Variants in MICAL3 observed in about 807,000 individuals in gnomAD.
The protein encoded by MICAL3 is [F-actin]-monooxygenase MICAL3.
In MICAL3, 62 loss-of-function variants were observed where a neutral mutation model predicts 207.4. The observed-to-expected ratio is 0.30, with a 90% CI of 0.24 to 0.37. The LOEUF (loss-of-function observed/expected upper bound fraction) is 0.37. Among genes scored for constraint, MICAL3 ranks in the 10% least tolerant of loss-of-function variants. The pLI is 1.00. For missense variants in MICAL3, 2,368 were observed against 2,635.6 expected (o/e 0.90, Z 2.22); for synonymous variants, 1,077 against 1,069.3 (o/e 1.01, Z -0.14).
In MICAL3 at chr22:17,817,963, C is replaced by T. The variant is rs1172548841; in HGVS notation, c.4698G>A (p.Gly1566=). The T allele has an allele frequency of 2.5e-6, 4 of 1,612,446 alleles. No individual in the cohort carries two copies. The highest frequency in any genetic ancestry group is 1.1e-5 in the South Asian group (1 of 91,082). The part of the protein sequence containing the change: ...PRHPPLAKEN[G]RLPALEGTLQ... ...GCGTCCCCTCCAGAGCAGGCAGCCT[C>T]CCGTTCTCCTTGGCCAGGGGCGGGT... The change falls in exon 26 of 32, where the codon GGG becomes GGA. Residue 1566 remains glycine, a synonymous_variant. Coordinates refer to ENST00000441493, the MANE Select transcript of MICAL3 (RefSeq NM_015241.3).
chr22:17,960,942 C>A (rs1007253256), intron 1 of MICAL3, among the ~76,000 whole-genome samples: 2 of 152,068 alleles, frequency 1.3e-5, no homozygotes, highest in African/African-American at 4.8e-5. Context: ...CGAGACGGTG[C>A]GGGACCTGGT....
At chr22:17,828,252 G>T (rs1207692474) in intron 21 of MICAL3, among the ~76,000 whole-genome samples, 1 of 152,238 alleles carries the variant, frequency 6.6e-6, no homozygotes, top group African/African-American at 2.4e-5. Context: ...ACAGCAAGGT[G>T]CCCACCACCA....
chr22:17,861,332 C>A (rs1156743529), intron 19 of MICAL3: 1 of 985,322 alleles, frequency 1.0e-6, no homozygotes, highest in Non-Finnish European at 1.2e-6. Flanking sequence ...GCAACTGCCA[C>A]TTGTGACCTT....
chr22:17,991,931 A>G (rs1921727194), intron 1 of MICAL3, among the ~76,000 whole-genome samples: 1 of 152,198 alleles, frequency 6.6e-6, no homozygotes, highest in South Asian at 2.1e-4. Flanking sequence ...TGGTAGACAC[A>G]GCACCGTGGT....
intron 1 of MICAL3, among the ~76,000 whole-genome samples, chr22:17,939,431 C>A (rs1406837884): frequency 1.3e-5 from 2 of 152,264 alleles, no homozygotes; most frequent in Non-Finnish European, 2.9e-5. Flanking sequence ...AGAAGGGCTG[C>A]ACCTCCTGCC....
At chr22:17,904,474 T>C (rs1931568732) in intron 3 of MICAL3, among the ~76,000 whole-genome samples, 158 bp downstream of exon 3, 1 of 152,254 alleles carries the variant, frequency 6.6e-6, no homozygotes, top group East Asian at 1.9e-4. Context: ...CAGGTGTTTT[T>C]ACTTCAAGAT....
intron 19 of MICAL3, among the ~76,000 whole-genome samples, chr22:17,846,809 C>T (rs185567736): frequency 3.0e-4 from 46 of 152,324 alleles, no homozygotes; most frequent in African/African-American, 1.1e-3. Context: ...TCAGGGCAGG[C>T]AGCTCTCAGG....
At position 17,902,130 on chromosome 22, in the gene MICAL3, G is replaced by A. The variant is rs1931374133; in HGVS notation, c.590-151C>T. On this transcript the variant is annotated intron_variant, in intron 4 of 31. Transcript: ENST00000441493. The surrounding 1 kb of genome is among the most constrained non-coding windows in gnomAD (Gnocchi z 4.5). ...AGTGGAGACAGAGGCTGTGCACGGT[G>A]GCTCGTGCCTCTAATCCCAGCACTA... Among the ~76,000 whole-genome samples, 1 of 152,254 alleles carries A rather than the reference G, an allele frequency of 6.6e-6. No homozygotes were observed. Among genetic ancestry groups the A allele is most frequent in the Non-Finnish European group, 1.5e-5 (1 of 68,050 alleles).
intron 12 of MICAL3, 41 bp from the exon 13 acceptor site, chr22:17,889,271 C>A: frequency 1.4e-6 from 2 of 1,480,184 alleles, no homozygotes; most frequent in Non-Finnish European, 1.9e-6. Context: ...GATAGGTTGA[C>A]AGTCCTTAAA....
chr22:17,821,402 C>T, intron 25 of MICAL3, 25 bp downstream of exon 25: 1 of 1,535,560 alleles, frequency 6.5e-7, no homozygotes, highest in Admixed American at 2.0e-5. Flanking sequence ...TTCTCTGTAC[C>T]CCACAGCGAG....
chr22:17,826,413 G>A (rs1303653529), intron 22 of MICAL3: 2 of 971,968 alleles, frequency 2.1e-6, no homozygotes, highest in Non-Finnish European at 2.4e-6. Context: ...CCTAGAGAGA[G>A]GTTACGGTGA....
At chr22:17,953,049 T>C (rs1201043302) in intron 1 of MICAL3, among the ~76,000 whole-genome samples, 1 of 152,150 alleles carries the variant, frequency 6.6e-6, no homozygotes, top group Non-Finnish European at 1.5e-5. Flanking sequence ...ACCAAAATCC[T>C]CTGCCCAGCA....
chr22:17,818,808 C>T lies in MICAL3; in HGVS notation c.3853G>A (p.Ala1285Thr). Residue 1285 changes from alanine (A) to threonine (T), a missense_variant, in exon 26 of 32, where the codon GCC (alanine) becomes ACC (threonine). By Grantham distance (58) the Ala-to-Thr change is moderately conservative. This residue lies in a region of MICAL3 where 1,770 missense variants were observed against 1,863.2 expected (regional missense o/e 0.95). Coordinates refer to ENST00000441493, the MANE Select transcript of MICAL3 (RefSeq NM_015241.3). ...PTQSPIRFQPAPAKTSTPLAP... is the reference protein window; with the variant it reads ...PTQSPIRFQPTPAKTSTPLAP... Reference sequence around the variant, plus strand: ...AGTGGGGTGGATGTTTTGGCCGGGGCAGGCTGGAAGCGTATGGGGGACTGG... The same window carrying T: ...AGTGGGGTGGATGTTTTGGCCGGGGTAGGCTGGAAGCGTATGGGGGACTGG... 6.4e-7 allele frequency: 1 copy of T among 1,564,498 alleles called. No individual in the cohort carries two copies. Among genetic ancestry groups the T allele is most frequent in the South Asian group, 1.2e-5 (1 of 83,442 alleles).
At chr22:17,798,013 G>C (rs2061895108) in intron 29 of MICAL3, among the ~76,000 whole-genome samples, 1 of 152,332 alleles carries the variant, frequency 6.6e-6, no homozygotes, top group Middle Eastern at 3.4e-3. Context: ...GCAGTGTCCA[G>C]CAGACCAAAA....
At chr22:17,978,746 T>C (rs1935769390) in intron 1 of MICAL3, among the ~76,000 whole-genome samples, 1 of 151,946 alleles carries the variant, frequency 6.6e-6, no homozygotes, top group Non-Finnish European at 1.5e-5. Context: ...CTCAAGCTCC[T>C]GACCTCAGGT....
intron 29 of MICAL3, among the ~76,000 whole-genome samples, chr22:17,799,411 C>G (rs1464107029): frequency 2.0e-5 from 3 of 152,184 alleles, no homozygotes; most frequent in Non-Finnish European, 4.4e-5. Flanking sequence ...GCAAAGTGCT[C>G]AGGGCTGGAA....
chr22:17,900,751 G>A lies in MICAL3; in HGVS notation c.847+91C>T, dbSNP rs1195195907. ...GGGCAGACAGTGCAGGAGGGACACC[G>A]ACGGCCACTCACCCCACCAATCCCC... On this transcript the variant is annotated intron_variant, in intron 6 of 31. Coordinates refer to ENST00000441493, the MANE Select transcript of MICAL3 (RefSeq NM_015241.3). This position sits in a 1 kb window ranked among gnomAD's most constrained non-coding sequence, Gnocchi z 4.0. The A allele has an allele frequency of 1.7e-5, 20 of 1,144,086 alleles. No homozygotes were observed. Among genetic ancestry groups the A allele is most frequent in the Non-Finnish European group, 2.3e-5 (18 of 777,466 alleles). The allele number at this position is 1,144,086 out of a possible 1,614,324, so 70.9% of individuals were successfully genotyped here.
chr22:17,956,888 G>C (rs1360322357), intron 1 of MICAL3, among the ~76,000 whole-genome samples: 1 of 152,226 alleles, frequency 6.6e-6, no homozygotes, highest in East Asian at 1.9e-4. Context: ...ACTAGAGCCA[G>C]TGATGCACTC....
At chr22:17,928,444 A>AAAAG (rs71201888) in intron 1 of MICAL3, among the ~76,000 whole-genome samples, 115 of 148,284 alleles carry the variant, frequency 7.8e-4, no homozygotes, top group East Asian at 2.6e-3. Context: ...GTCTCAAAAA[A>AAAAG]AAAGAAAGAA....
Sources: allele counts gnomAD v4.1 joint callset (sites outside exome capture counted in the v4.1 genomes callset), GRCh38; gene constraint gnomAD v4.1.1; regional missense constraint gnomAD v4.1.1; non-coding constraint Gnocchi (gnomAD v3.1); transcripts MANE v1.5; gene names NCBI Gene and HGNC (gene_info 2026-07-23, HGNC 2026-07-21).